CENPS: variants seen among roughly 807,000 people sequenced by gnomAD.
The protein encoded by CENPS is centromere protein S.
Under a neutral mutation model 17.9 loss-of-function variants are expected in CENPS, and 16 were observed. The ratio of observed to expected loss-of-function variants is 0.90; its 90% CI spans 0.61 to 1.36. The LOEUF (loss-of-function observed/expected upper bound fraction) is 1.36. Among genes scored for constraint, CENPS ranks in the 40% most tolerant of loss-of-function variants. CENPS has a pLI of 0.00. For missense variants in CENPS, 160 were observed against 158.6 expected (o/e 1.01, Z -0.05); for synonymous variants, 49 against 55.8 (o/e 0.88, Z 0.54).
Position 10,442,597 on chromosome 1 carries a change from G to C in CENPS, c.*192G>C, listed in dbSNP as rs1557781044. ...AAAGCTAGTTTTAGAGAATGAGAAA[G>C]TCTTAAGCAAAATACTCCCAGGTCT... On this transcript the variant is annotated 3_prime_UTR_variant, in exon 5 of 5. Transcript: ENST00000309048. 1 of 1,017,762 alleles carries C rather than the reference G, an allele frequency of 9.8e-7. No individual in the cohort carries two copies. The highest frequency in any genetic ancestry group is 1.3e-6 in the Non-Finnish European group (1 of 785,410). The allele number at this position is 1,017,762 out of a possible 1,614,324, so 63.0% of individuals were successfully genotyped here.
At chr1:10,439,052 A>T (rs997397274) in intron 3 of CENPS, among the ~76,000 whole-genome samples, 1 of 152,116 alleles carries the variant, frequency 6.6e-6, no homozygotes, top group Non-Finnish European at 1.5e-5. Flanking sequence ...TTATCTCTTG[A>T]AGTGGGTATT....
At position 10,437,449 on chromosome 1, in the gene CENPS, TTTTTTTG is replaced by T. The variant is rs937281975; in HGVS notation, c.209+2779_209+2785del. Among the ~76,000 whole-genome samples, 313 of 114,834 alleles carry T rather than the reference TTTTTTTG, an allele frequency of 2.7e-3. 10 individuals carry two copies. The East Asian group carries it at 0.079, about 29-fold the overall frequency. 75.3% of individuals were successfully genotyped at this position (114,834 alleles called of 152,430 possible). ...GGAAACTTGAGAGCAGGGGCTGTTT[TTTTTTTG>T]TTTTTTGTTTTTTGTTTTTAGATGG... On this transcript the variant is annotated intron_variant, in intron 3 of 4. Coordinates refer to ENST00000309048, the MANE Select transcript of CENPS (RefSeq NM_199294.3).
At chr1:10,431,191 C>A in intron 1 of CENPS, 1 of 1,495,386 alleles carries the variant, frequency 6.7e-7, no homozygotes. Flanking sequence ...CAGCGCCGGG[C>A]ATATGGGGCG....
rs1640455320 is a variant in CENPS, at chr1:10,442,391, G to A, written c.403G>A (p.Glu135Lys). 1 of 1,583,814 alleles carries A rather than the reference G, an allele frequency of 6.3e-7. No individual in the cohort carries two copies. The highest frequency in any genetic ancestry group is 1.4e-5 in the African/African-American group (1 of 72,584). ...GCAGCCAGCAGAGGCTGGAGTGGTG[G>A]AAAGTGAGAATTAAAGTCCCTCGCC... ...SRQPAEAGVV[E>K]SEN The change falls in exon 5 of 5, where the codon GAA (glutamate) becomes AAA (lysine). Residue 135 changes from glutamate (E) to lysine (K), a missense_variant. Transcript: ENST00000309048.
At chr1:10,435,710 T>TACACACACACACAC (rs778086497) in intron 3 of CENPS, among the ~76,000 whole-genome samples, 203 of 143,568 alleles carry the variant, frequency 1.4e-3, no homozygotes, top group African/African-American at 5.0e-3. Flanking sequence ...ATAATATATA[T>TACACACACACACAC]ATATATACAC....
At chr1:10,439,293 G>A (rs1293894231) in intron 3 of CENPS, among the ~76,000 whole-genome samples, 1 of 152,152 alleles carries the variant, frequency 6.6e-6, no homozygotes, top group African/African-American at 2.4e-5. Flanking sequence ...AAGTACCTGT[G>A]TATTTTGTGG....
At chr1:10,433,346 CGT>C (rs1197334872) in intron 1 of CENPS, among the ~76,000 whole-genome samples, 1 of 152,202 alleles carries the variant, frequency 6.6e-6, no homozygotes. Flanking sequence ...GAGCCTTTCC[CGT>C]GTTGTACTTC....
chr1:10,434,351 A>G (rs1640055151), intron 2 of CENPS, among the ~76,000 whole-genome samples: 1 of 152,194 alleles, frequency 6.6e-6, no homozygotes, highest in Admixed American at 6.5e-5. Flanking sequence ...GAAAGACCTC[A>G]CAAGCCTTAA....
At chr1:10,435,726 C>CACACACACACACACACAA (rs1163875015) in intron 3 of CENPS, among the ~76,000 whole-genome samples, 12 of 151,250 alleles carry the variant, frequency 7.9e-5, no homozygotes, top group African/African-American at 2.2e-4. Flanking sequence ...TACACACACA[C>CACACACACACACACACAA]ACACACACAC....
At chr1:10,434,792 C>A in intron 3 of CENPS, 102 bp downstream of exon 3, 1 of 1,437,800 alleles carries the variant, frequency 7.0e-7, no homozygotes, top group Non-Finnish European at 9.2e-7. Flanking sequence ...TTCAGTTTTC[C>A]GTGTGTTTTG....
At chr1:10,437,132 T>A (rs1488047046) in intron 3 of CENPS, among the ~76,000 whole-genome samples, 1 of 152,120 alleles carries the variant, frequency 6.6e-6, no homozygotes, top group Non-Finnish European at 1.5e-5. Flanking sequence ...ATTGTTTCAT[T>A]AGGACAAATT....
intron 4 of CENPS, 39 bp from the exon 5 acceptor site, chr1:10,442,226 G>A (rs992147125): frequency 1.3e-6 from 2 of 1,526,346 alleles, no homozygotes; most frequent in Non-Finnish European, 8.8e-7. Context: ...TTTATAAAAT[G>A]GTTACAGCCA....
At chr1:10,436,080 T>A (rs1026099610) in intron 3 of CENPS, among the ~76,000 whole-genome samples, 4 of 151,188 alleles carry the variant, frequency 2.6e-5, no homozygotes, top group African/African-American at 4.9e-5. Context: ...TGGGTTCAAG[T>A]GATTCTCCTG....
At chr1:10,432,471 GC>G (rs1383251708) in intron 1 of CENPS, among the ~76,000 whole-genome samples, 1 of 152,140 alleles carries the variant, frequency 6.6e-6, no homozygotes, top group African/African-American at 2.4e-5. Flanking sequence ...TGAGAAATTT[GC>G]CCCTCAGCTG....
intron 4 of CENPS, 60 bp from the exon 5 acceptor site, chr1:10,442,205 G>T: frequency 4.6e-6 from 7 of 1,521,296 alleles, no homozygotes; most frequent in Non-Finnish European, 5.2e-6. Flanking sequence ...TCGTTTGTTT[G>T]TTTATTTAGG....
At chr1:10,430,673 C>G in intron 1 of CENPS, 105 bp downstream of exon 1, 1 of 1,439,780 alleles carries the variant, frequency 6.9e-7, no homozygotes, top group Admixed American at 2.8e-5. Context: ...GCACCCCGCC[C>G]CCGGGCGCCC....
At chr1:10,433,758 C>T in intron 1 of CENPS, 84 bp from the exon 2 acceptor site, 2 of 1,589,498 alleles carry the variant, frequency 1.3e-6, no homozygotes, top group Admixed American at 1.7e-5. Context: ...CTGAGCAGAC[C>T]CTCTCCTTGG....
rs560985162 is a variant in CENPS, at chr1:10,439,732, C to T, written c.210-615C>T. ...CTCCAGTCTGGGCGACAGAACGAGA[C>T]TCTGTCTCAAAAAAAAAAAGAAGAA... On this transcript the variant is annotated intron_variant, in intron 3 of 4. Transcript: ENST00000309048. 4.8e-4 allele frequency among the ~76,000 whole-genome samples: 71 copies of T among 148,072 alleles called. 1 individual carries two copies. The South Asian group carries it at 0.015, about 30-fold the overall frequency.
intron 4 of CENPS, 70 bp from the exon 5 acceptor site, chr1:10,442,195 T>G (rs1640445500): frequency 1.5e-5 from 23 of 1,523,350 alleles, no homozygotes; most frequent in Non-Finnish European, 1.9e-5. Flanking sequence ...GGGTTTAGTT[T>G]CGTTTGTTTG....
Sources: gnomAD v4.1 joint callset for allele counts (sites outside exome capture counted in the v4.1 genomes callset) on GRCh38, gnomAD v4.1.1 for gene constraint, MANE v1.5 for transcripts, NCBI Gene and HGNC (gene_info 2026-07-23, HGNC 2026-07-21) for gene names.